Variants in NDST1 observed in about 807,000 individuals in gnomAD.
The protein encoded by NDST1 is bifunctional heparan sulfate N-deacetylase/N-sulfotransferase 1.
In NDST1, 35 loss-of-function variants were observed where a neutral mutation model predicts 92.8. That is an observed-to-expected ratio of 0.38 (90% CI 0.29 to 0.50). The LOEUF (loss-of-function observed/expected upper bound fraction) is 0.50, where lower values mean the gene tolerates loss of function less well. NDST1 is among the 20% of genes least tolerant of loss of function. The pLI is 0.94. For missense variants in NDST1, 822 were observed against 1,182.7 expected, an observed-to-expected ratio of 0.69 and a Z score of 4.47; for synonymous variants, 493 against 500.3, an observed-to-expected ratio of 0.99 and a Z score of 0.19.
rs1370030058 is a variant in NDST1 at position 150,547,331 on chromosome 5, C to T, written c.2146-887C>T. Among the ~76,000 whole-genome samples the T allele has an allele frequency of 7.2e-5, 11 of 152,230 alleles. No individual in the cohort carries two copies. In the East Asian group the frequency reaches 7.7e-4, roughly 11 times the overall value. ...GGCCTGTCTCAGAAGGAGGTCGGGA[C>T]GAGGAGGACGCTGCTGTGCACCATA... On this transcript the variant is annotated intron_variant, in intron 11 of 14. Coordinates refer to ENST00000261797, the MANE Select transcript of NDST1 (RefSeq NM_001543.5).
At chr5:150,526,035 G>A (rs982263990) in intron 2 of NDST1, among the ~76,000 whole-genome samples, 23 of 152,242 alleles carry the variant, frequency 1.5e-4, no homozygotes, top group African/African-American at 5.5e-4. Context: ...TTCCCTCTTG[G>A]TCACTCTGCT....
chr5:150,525,735 G>A (rs148476939), intron 2 of NDST1, among the ~76,000 whole-genome samples: 1 of 152,264 alleles, frequency 6.6e-6, no homozygotes, highest in East Asian at 1.9e-4. Context: ...ACGGGCACAG[G>A]CTCAGCTGAG....
At chr5:150,538,062 C>T (rs1264404297) in intron 6 of NDST1, among the ~76,000 whole-genome samples, 1 of 152,180 alleles carries the variant, frequency 6.6e-6, no homozygotes, top group African/African-American at 2.4e-5. Context: ...AATAAGGTGG[C>T]TAGGTGGGCC....
At chr5:150,528,854 A>G (rs1754591299) in intron 3 of NDST1, among the ~76,000 whole-genome samples, 1 of 152,228 alleles carries the variant, frequency 6.6e-6, no homozygotes, top group Admixed American at 6.5e-5. Flanking sequence ...GGAATTTTGC[A>G]TCTGGAATGT....
At chr5:150,522,096 T>C (rs1754262917) in intron 2 of NDST1, among the ~76,000 whole-genome samples, 1 of 152,020 alleles carries the variant, frequency 6.6e-6, no homozygotes, top group Admixed American at 6.6e-5. Flanking sequence ...GTCAAGGCAA[T>C]CTCCCCTAGG....
Position 150,553,876 on chromosome 5 carries a change from T to A in NDST1, c.*544T>A. The A allele has an allele frequency of 2.3e-6, 1 of 429,814 alleles. No homozygotes were observed. The allele number at this position is 429,814 out of a possible 1,614,324, so 26.6% of individuals were successfully genotyped here. ...GGCCCCCTCAAGAGGACTCCCAGCC[T>A]CCACATCTGGTTCCTACCTTCACAT... On this transcript the variant is annotated 3_prime_UTR_variant, in exon 15 of 15. Coordinates refer to ENST00000261797, the MANE Select transcript of NDST1 (RefSeq NM_001543.5). The surrounding 1 kb of genome is among the most constrained non-coding windows in gnomAD (Gnocchi z 4.2).
chr5:150,521,868 C>T lies in NDST1; in HGVS notation c.513+101C>T, dbSNP rs536889536. 1 of 1,511,064 alleles carries T rather than the reference C, an allele frequency of 6.6e-7. No individual in the cohort carries two copies. Among genetic ancestry groups the T allele is most frequent in the South Asian group, 1.1e-5 (1 of 88,160 alleles). The allele number at this position is 1,511,064 out of a possible 1,614,324, so 93.6% of individuals were successfully genotyped here. A position where few individuals can be genotyped will look rare whatever the true frequency, so the allele number is the denominator to read the frequency against. On this transcript the variant is annotated intron_variant, in intron 2 of 14. Coordinates refer to ENST00000261797, the MANE Select transcript of NDST1 (RefSeq NM_001543.5). The surrounding 1 kb of genome is among the most constrained non-coding windows in gnomAD (Gnocchi z 5.9). The stretch of plus-strand genomic sequence containing the variant: ...TAGGTGTAATGGTAGCACCCGCCTC[C>T]TGGGGTTGTTGGGAGGGTTAAATGA...
At position 150,544,177 on chromosome 5, in the gene NDST1, A is replaced by C. The variant is rs1285095827; in HGVS notation, c.1971-1135A>C. On this transcript the variant is annotated intron_variant, in intron 10 of 14. Transcript: ENST00000261797. ...AACATTTTTCAGGTTTTAGAAAGGT[A>C]ATGTGGTGCGAAACCATATATTTAG... is the stretch of plus-strand genomic sequence containing the variant. Among the ~76,000 whole-genome samples the C allele has an allele frequency of 2.2e-4, 34 of 152,264 alleles. 1 individual carries two copies. The highest frequency in any genetic ancestry group is 2.2e-3 in the Admixed American group (34 of 15,286).
intron 8 of NDST1, 127 bp from the exon 9 acceptor site, chr5:150,541,443 G>T: frequency 1.2e-6 from 1 of 826,414 alleles, no homozygotes. Context: ...GTGGGGATGT[G>T]ACAAGGACAC....
At chr5:150,532,425 G>A (rs778781431) in intron 3 of NDST1, among the ~76,000 whole-genome samples, 1 of 152,230 alleles carries the variant, frequency 6.6e-6, no homozygotes, top group Non-Finnish European at 1.5e-5. Context: ...GCAGCATAGG[G>A]CTGGTTTCAA....
At position 150,553,307 on chromosome 5, in the gene NDST1, G is replaced by A. The variant is rs372636224; in HGVS notation, c.2624G>A (p.Arg875Gln). ...GGCCAGACACTTCCCACTTGGCTAC[G>A]AGAGGACCTCCAGAACACCAGGTAG... is the stretch of plus-strand genomic sequence containing the variant. ...KMGQTLPTWLREDLQNTR is the reference protein window; with the variant it reads ...KMGQTLPTWLQEDLQNTR Residue 875 changes from arginine (R) to glutamine (Q), a missense_variant, in exon 15 of 15, where the codon CGA becomes CAA. Arg to Gln is a conservative substitution (Grantham distance 43). Coordinates refer to ENST00000261797, the MANE Select transcript of NDST1 (RefSeq NM_001543.5). The surrounding 1 kb of genome is among the most constrained non-coding windows in gnomAD (Gnocchi z 4.2). 60 of 1,613,512 alleles carry A rather than the reference G, an allele frequency of 3.7e-5. No individual in the cohort carries two copies. The highest frequency in any genetic ancestry group is 8.8e-5 in the South Asian group (8 of 91,066).
At chr5:150,516,087 A>T (rs937317553) in intron 1 of NDST1, among the ~76,000 whole-genome samples, 93 of 151,924 alleles carry the variant, frequency 6.1e-4, no homozygotes, top group African/African-American at 2.1e-3. Flanking sequence ...GCAGCCAGCC[A>T]GCTCCCAGTA....
At chr5:150,539,894 A>C in intron 7 of NDST1, 188 bp from the exon 8 acceptor site, 3 of 810,540 alleles carry the variant, frequency 3.7e-6, no homozygotes, top group Non-Finnish European at 4.5e-6. Context: ...ATTTGGGGTC[A>C]GTCAGGCCTG....
rs536880593 is a variant in NDST1 at position 150,528,307 on chromosome 5, G to A, written c.1008+9G>A. The A allele has an allele frequency of 6.1e-5, 97 of 1,581,568 alleles. No homozygotes were observed. The South Asian group carries it at 7.2e-4, about 12-fold the overall frequency. ...AGGTGGAGGACGTGAAGGTATGGCCGGGGGTGCTAGACCGGGCAAGGCAGG... is the reference window on the plus strand; with the variant it reads ...AGGTGGAGGACGTGAAGGTATGGCCAGGGGTGCTAGACCGGGCAAGGCAGG... On this transcript the variant is annotated intron_variant, in intron 3 of 14. Transcript: ENST00000261797.
intron 2 of NDST1, among the ~76,000 whole-genome samples, chr5:150,527,550 T>C (rs914765169): frequency 6.6e-6 from 1 of 152,222 alleles, no homozygotes; most frequent in African/African-American, 2.4e-5. Context: ...AGTGTCTCCA[T>C]CTGGGGTCAT....
At chr5:150,531,143 G>A (rs185147994) in intron 3 of NDST1, among the ~76,000 whole-genome samples, 4 of 152,032 alleles carry the variant, frequency 2.6e-5, no homozygotes, top group Admixed American at 1.3e-4. Context: ...CGCCTCATTA[G>A]CTTGTACAGT....
Position 150,537,972 on chromosome 5 carries a change from T to C in NDST1, c.1438-1256T>C, listed in dbSNP as rs113760158. ...CCCAATACATGTGTAAAATATACAGTGGTCAGATGGTGATGAGTGCCACGG... is the reference window on the plus strand; with the variant it reads ...CCCAATACATGTGTAAAATATACAGCGGTCAGATGGTGATGAGTGCCACGG... On this transcript the variant is annotated intron_variant, in intron 6 of 14. Coordinates refer to ENST00000261797, the MANE Select transcript of NDST1 (RefSeq NM_001543.5). Among the ~76,000 whole-genome samples, 249 of 152,318 alleles carry C rather than the reference T, an allele frequency of 1.6e-3. 1 individual carries two copies. The highest frequency in any genetic ancestry group is 5.2e-3 in the African/African-American group (217 of 41,568).
In NDST1 at chr5:150,528,311, G is replaced by T. The variant is rs754046889; in HGVS notation, c.1008+13G>T. 1.5e-4 allele frequency: 231 copies of T among 1,574,618 alleles called. No homozygotes were observed. The highest frequency in any genetic ancestry group is 1.9e-4 in the Non-Finnish European group (222 of 1,154,728). ...GGAGGACGTGAAGGTATGGCCGGGG[G>T]TGCTAGACCGGGCAAGGCAGGTGGG... is the stretch of plus-strand genomic sequence containing the variant. On this transcript the variant is annotated intron_variant, in intron 3 of 14. Coordinates refer to ENST00000261797, the MANE Select transcript of NDST1 (RefSeq NM_001543.5).
upstream of NDST1, among the ~76,000 whole-genome samples, chr5:150,507,347 C>T (rs1194853911): frequency 6.6e-6 from 1 of 152,084 alleles, no homozygotes; most frequent in Non-Finnish European, 1.5e-5. Flanking sequence ...TTGGCATCCT[C>T]TAAGAAGGCA....
Sources: gnomAD v4.1 joint callset for allele counts (sites outside exome capture counted in the v4.1 genomes callset) on GRCh38, gnomAD v4.1.1 for gene constraint, Gnocchi (gnomAD v3.1) non-coding constraint, MANE v1.5 for transcripts, NCBI Gene and HGNC (gene_info 2026-07-23, HGNC 2026-07-21) for gene names.